The following WAPL variants were observed in gnomAD, a reference collection of about 807,000 sequenced individuals.
WAPL encodes WAPL cohesin release factor.
In WAPL, 5 loss-of-function variants were observed where a neutral mutation model predicts 121.0. That is an observed-to-expected ratio of 0.04 (90% CI 0.02 to 0.09). The LOEUF (loss-of-function observed/expected upper bound fraction) is 0.09. Among genes scored for constraint, WAPL ranks in the 10% least tolerant of loss-of-function variants. WAPL has a pLI of 1.00. For synonymous variants in WAPL, 480 were observed against 481.5 expected (o/e 1.00, Z 0.04); for missense variants, 999 against 1,410.8 (o/e 0.71, Z 4.68).
chr10:86,505,300 CTTT>C (rs531404303), intron 2 of WAPL, among the ~76,000 whole-genome samples: 139 of 44,638 alleles, frequency 3.1e-3, no homozygotes, highest in East Asian at 9.3e-3. Flanking sequence ...GTGCCCAACT[CTTT>C]TTTTTTTTTT....
At chr10:86,460,103 ACT>A (rs1841235413) in intron 11 of WAPL, among the ~76,000 whole-genome samples, 1 of 152,174 alleles carries the variant, frequency 6.6e-6, no homozygotes, top group African/African-American at 2.4e-5. Context: ...ACAGAGTGAG[ACT>A]CTGGCTCAAA....
rs367921532 is a variant in WAPL, at chr10:86,467,483, G to A, written c.2166C>T (p.Ala722=). The A allele has an allele frequency of 2.4e-5, 39 of 1,613,460 alleles. No individual in the cohort carries two copies. The African/African-American group carries it at 4.5e-4, about 19-fold the overall frequency. The part of the protein sequence containing the change: ...HHQNLSLCTA[A]LMYILSRDRL... ...GATCTCTACTCAGTATATACATGAG[G>A]GCAGCTGTACAGAGGGACAGATTCT... The change falls in exon 9 of 19, where the codon GCC becomes GCT. Residue 722 remains alanine (A), a synonymous_variant. Coordinates refer to ENST00000298767, the MANE Select transcript of WAPL (RefSeq NM_015045.5).
chr10:86,511,565 C>T (rs1269902119), intron 2 of WAPL, among the ~76,000 whole-genome samples: 1 of 152,174 alleles, frequency 6.6e-6, no homozygotes, highest in Non-Finnish European at 1.5e-5. Flanking sequence ...GTGCCTTACC[C>T]TCAATATAAT....
intron 4 of WAPL, among the ~76,000 whole-genome samples, chr10:86,491,519 T>C (rs1842047820): frequency 6.6e-6 from 1 of 152,118 alleles, no homozygotes; most frequent in Non-Finnish European, 1.5e-5. Flanking sequence ...CACTCAGATC[T>C]TGGTTTCTAA....
intron 15 of WAPL, 119 bp from the exon 16 acceptor site, chr10:86,446,568 TAA>T: frequency 8.8e-7 from 1 of 1,136,838 alleles, no homozygotes; most frequent in South Asian, 1.6e-5. Context: ...GGTTATGTGA[TAA>T]AAAGAGGTGA....
At chr10:86,511,813 C>T (rs1250708993) in intron 2 of WAPL, among the ~76,000 whole-genome samples, 3 of 152,078 alleles carry the variant, frequency 2.0e-5, no homozygotes, top group African/African-American at 7.2e-5. Context: ...CCATTGTACT[C>T]CCAACTACTG....
At chr10:86,514,137 A>G (rs1330848882) in intron 2 of WAPL, among the ~76,000 whole-genome samples, 1 of 152,246 alleles carries the variant, frequency 6.6e-6, no homozygotes, top group African/African-American at 2.4e-5. Flanking sequence ...TCTGAGTGAG[A>G]GTAAAGGCAA....
At chr10:86,464,299 G>C (rs561914910) in intron 9 of WAPL, among the ~76,000 whole-genome samples, 1 of 152,164 alleles carries the variant, frequency 6.6e-6, no homozygotes, top group South Asian at 2.1e-4. Context: ...ATAGAGTGTA[G>C]GAAAGTTTTT....
At position 86,521,551 on chromosome 10, in the gene WAPL, A is replaced by T. The variant is rs1842679999; in HGVS notation, c.-209T>A. The T allele has an allele frequency of 2.6e-6, 1 of 385,360 alleles. No individual in the cohort carries two copies. The highest frequency in any genetic ancestry group is 3.9e-5 in the Admixed American group (1 of 25,502). The allele number at this position is 385,360 out of a possible 1,614,324, so 23.9% of individuals were successfully genotyped here. ...GGGGGGGCAGGAGCGGCGGCCCCGC[A>T]ACTTCCCTCCCCGCCTCGAGCGCCG... On this transcript the variant is annotated 5_prime_UTR_variant, in exon 1 of 19. Transcript: ENST00000298767.
At chr10:86,467,569 G>C in intron 8 of WAPL, 63 bp from the exon 9 acceptor site, 3 of 1,188,734 alleles carry the variant, frequency 2.5e-6, no homozygotes, top group Non-Finnish European at 3.6e-6. Flanking sequence ...GACATCTCAG[G>C]AAATAAGACT....
intron 4 of WAPL, among the ~76,000 whole-genome samples, chr10:86,492,307 CTCA>C (rs1343884692): frequency 1.3e-5 from 2 of 152,134 alleles, no homozygotes; most frequent in Non-Finnish European, 2.9e-5. Flanking sequence ...GATTAGAAAA[CTCA>C]TCATTCTGTA....
chr10:86,452,151 C>T lies in WAPL; in HGVS notation c.2950-20G>A. ...TAAGCCCTTCAAAAAGTTTAAAAGACACATATTATCAGAGATGAGTACTTA... is the reference window on the plus strand; with the variant it reads ...TAAGCCCTTCAAAAAGTTTAAAAGATACATATTATCAGAGATGAGTACTTA... On this transcript the variant is annotated intron_variant, in intron 14 of 18. Transcript: ENST00000298767. 6.2e-7 allele frequency: 1 copy of T among 1,608,328 alleles called. No homozygotes were observed. Among genetic ancestry groups the T allele is most frequent in the Non-Finnish European group, 8.5e-7 (1 of 1,177,344 alleles).
chr10:86,455,636 G>A (rs1841122798), intron 12 of WAPL, among the ~76,000 whole-genome samples: 1 of 138,774 alleles, frequency 7.2e-6, no homozygotes, highest in African/African-American at 2.7e-5. Flanking sequence ...CTATGACCCT[G>A]CCAAATCCCC....
intron 2 of WAPL, among the ~76,000 whole-genome samples, chr10:86,513,809 T>C (rs551035003): frequency 1.3e-5 from 2 of 152,260 alleles, no homozygotes; most frequent in African/African-American, 4.8e-5. Flanking sequence ...AAAAAAATAG[T>C]ATGAACGAGA....
At chr10:86,505,319 T>TTTTTTTTTTTTTTTTTTTTTTTTTC (rs1842327833) in intron 2 of WAPL, among the ~76,000 whole-genome samples, 1 of 142,102 alleles carries the variant, frequency 7.0e-6, no homozygotes, top group African/African-American at 2.6e-5. Flanking sequence ...TTTTTTTTTT[T>TTTTTTTTTTTTTTTTTTTTTTTTTC]TTTTTTGGAG....
chr10:86,511,130 ATCATTC>A (rs980837113), intron 2 of WAPL, among the ~76,000 whole-genome samples: 3 of 152,136 alleles, frequency 2.0e-5, no homozygotes, highest in African/African-American at 7.2e-5. Flanking sequence ...TGCCTGGCCC[ATCATTC>A]TTATTAAAAA....
chr10:86,466,288 T>C (rs1841393270), intron 9 of WAPL, among the ~76,000 whole-genome samples: 1 of 152,122 alleles, frequency 6.6e-6, no homozygotes, highest in Non-Finnish European at 1.5e-5. Context: ...AAAAGGCAGT[T>C]ATGGCGGGGG....
intron 16 of WAPL, among the ~76,000 whole-genome samples, chr10:86,445,897 T>C (rs891137690): frequency 6.6e-6 from 1 of 152,180 alleles, no homozygotes; most frequent in African/African-American, 2.4e-5. Flanking sequence ...TCTTCAAGTT[T>C]AAAGTGAAGC....
At chr10:86,440,690 G>C (rs1168403198) in intron 17 of WAPL, among the ~76,000 whole-genome samples, 2 of 151,942 alleles carry the variant, frequency 1.3e-5, no homozygotes, top group African/African-American at 4.8e-5. Flanking sequence ...TTGGAAATAA[G>C]AAAAAGGGAT....
Sources: allele counts gnomAD v4.1 joint callset (sites outside exome capture counted in the v4.1 genomes callset), GRCh38; gene constraint gnomAD v4.1.1; transcripts MANE v1.5; gene names NCBI Gene and HGNC (gene_info 2026-07-23, HGNC 2026-07-21).